CRYL1: variants seen among roughly 807,000 people sequenced by gnomAD.
The protein encoded by CRYL1 is crystallin lambda 1, also known as lambda-crystallin homolog.
Under a neutral mutation model 36.6 loss-of-function variants are expected in CRYL1, and 29 were observed. The ratio of observed to expected loss-of-function variants is 0.79; its 90% CI spans 0.59 to 1.08. The LOEUF is 1.08. Ranked by LOEUF, CRYL1 falls within the 50% of genes least tolerant of loss-of-function variation. The pLI is 0.00. For missense variants in CRYL1, 411 were observed against 407.9 expected (o/e 1.01, Z -0.06); for synonymous variants, 152 against 151.5 (o/e 1.00, Z -0.02).
intron 1 of CRYL1, among the ~76,000 whole-genome samples, chr13:20,514,434 CTACTT>C (rs1262738269): frequency 3.9e-5 from 6 of 152,346 alleles, no homozygotes; most frequent in African/African-American, 9.6e-5. Context: ...ATTCTACAAA[CTACTT>C]GACTGGTGCT....
intron 3 of CRYL1, among the ~76,000 whole-genome samples, chr13:20,460,719 G>A (rs1431011944): frequency 2.0e-5 from 3 of 152,000 alleles, no homozygotes; most frequent in Non-Finnish European, 4.4e-5. Context: ...TAGAGATGGG[G>A]TTTCACTGTG....
rs1176274350 is a variant in CRYL1, at chr13:20,425,825, G to A, written c.633+6277C>T. On this transcript the variant is annotated intron_variant, in intron 5 of 7. Transcript: ENST00000298248. The surrounding 1 kb of genome is among the most constrained non-coding windows in gnomAD (Gnocchi z 4.4). ...AACAGTTCATAATGCAGTGGATTATGCGCAAACCTGGCTGACAGCATGAGA... is the reference window on the plus strand; with the variant it reads ...AACAGTTCATAATGCAGTGGATTATACGCAAACCTGGCTGACAGCATGAGA... Among the ~76,000 whole-genome samples the A allele has an allele frequency of 1.3e-5, 2 of 152,076 alleles. No individual in the cohort carries two copies. The highest frequency in any genetic ancestry group is 2.1e-4 in the South Asian group (1 of 4,820).
Position 20,425,150 on chromosome 13 carries a change from C to G in CRYL1, c.633+6952G>C, listed in dbSNP as rs2031905025. 6.6e-6 allele frequency among the ~76,000 whole-genome samples: 1 copy of G among 152,200 alleles called. No individual in the cohort carries two copies. Among genetic ancestry groups the G allele is most frequent in the Non-Finnish European group, 1.5e-5 (1 of 68,030 alleles). On this transcript the variant is annotated intron_variant, in intron 5 of 7. Coordinates refer to ENST00000298248, the MANE Select transcript of CRYL1 (RefSeq NM_015974.3). The surrounding 1 kb of genome is among the most constrained non-coding windows in gnomAD (Gnocchi z 4.4). ...TGAAGCAAACCACAGCAATTCACTT[C>G]CAACGCCGTCCTTCCCCAGAAAAGC...
rs1463329879 is a variant in CRYL1 at position 20,512,320 on chromosome 13, C to A, written c.149+123G>T. 4.4e-6 allele frequency: 3 copies of A among 684,792 alleles called. No homozygotes were observed. In the Admixed American group the frequency reaches 7.0e-5, roughly 16 times the overall value. The allele number at this position is 684,792 out of a possible 1,614,324, so 42.4% of individuals were successfully genotyped here. A position where few individuals can be genotyped will look rare whatever the true frequency, so the allele number is the denominator to read the frequency against. On this transcript the variant is annotated intron_variant, in intron 2 of 7. Transcript: ENST00000298248. ...GGCCTTTACCAACTCAGAGGCACTG[C>A]AGTAGCCATCAGACGAAAATGTGAC...
intron 3 of CRYL1, among the ~76,000 whole-genome samples, chr13:20,460,646 C>A (rs1282373217): frequency 6.7e-6 from 1 of 150,214 alleles, no homozygotes; most frequent in African/African-American, 2.4e-5. Flanking sequence ...CTGCCTCAGC[C>A]TCCCAAGTAG....
chr13:20,422,877 A>G (rs2031851765), intron 5 of CRYL1, among the ~76,000 whole-genome samples: 2 of 152,242 alleles, frequency 1.3e-5, no homozygotes, highest in Admixed American at 1.3e-4. Context: ...CACCTTGGGC[A>G]GTATGGACAT....
intron 5 of CRYL1, chr13:20,418,481 ATCC>A (rs904091079): frequency 6.6e-6 from 1 of 152,096 alleles, no homozygotes; most frequent in Non-Finnish European, 1.5e-5. Flanking sequence ...TGATGGATAA[ATCC>A]TCCTCCGTGA....
At chr13:20,427,410 T>A in intron 5 of CRYL1, 1 of 608,136 alleles carries the variant, frequency 1.6e-6, no homozygotes, top group Non-Finnish European at 2.1e-6. Context: ...CACGAAGGTC[T>A]AAGGGCTTAC....
intron 1 of CRYL1, among the ~76,000 whole-genome samples, chr13:20,520,512 G>C (rs1244785811): frequency 6.6e-6 from 1 of 152,140 alleles, no homozygotes; most frequent in African/African-American, 2.4e-5. Context: ...CTGACCTGAG[G>C]GAGGGTAACC....
chr13:20,467,115 T>A (rs1228689363), intron 3 of CRYL1, among the ~76,000 whole-genome samples: 3 of 2,040 alleles, frequency 1.5e-3, no homozygotes, highest in South Asian at 0.083. Context: ...GCCCGGCTGA[T>A]TTTTTTTTTT....
In CRYL1 at chr13:20,489,408, T is replaced by G. The variant is rs1287599006; in HGVS notation, c.238A>C (p.Asn80His). ...GCACCCTCTACTGCTTCTTGGATAT[T>G]GGGACAACCACTGATGAGTGACAGC... ...EQLSLISGCP[N>H]IQEAVEGAMH... Residue 80 changes from asparagine (N) to histidine (H), a missense_variant, in exon 3 of 8, where the codon AAT becomes CAT. By Grantham distance (68) the Asn-to-His change is moderately conservative (BLOSUM62 1). Coordinates refer to ENST00000298248, the MANE Select transcript of CRYL1 (RefSeq NM_015974.3). 6.2e-7 allele frequency: 1 copy of G among 1,613,674 alleles called. No homozygotes were observed. Among genetic ancestry groups the G allele is most frequent in the East Asian group, 2.2e-5 (1 of 44,888 alleles).
intron 3 of CRYL1, among the ~76,000 whole-genome samples, chr13:20,473,806 T>C (rs1286875828): frequency 6.6e-6 from 1 of 152,184 alleles, no homozygotes; most frequent in Admixed American, 6.5e-5. Flanking sequence ...CATTTCTCTT[T>C]TCATCATGAT....
rs1480878398 is a variant in CRYL1, at chr13:20,447,678, C to T, written c.277-7924G>A. Among the ~76,000 whole-genome samples, 11 of 151,914 alleles carry T rather than the reference C, an allele frequency of 7.2e-5. 1 individual carries two copies. The highest frequency in any genetic ancestry group is 7.2e-4 in the Admixed American group (11 of 15,228). ...GCAAGTACTAAGGAGGAAAAAAAAC[C>T]CCACAAAACCCTCTGGCCAACCAGT... is the stretch of plus-strand genomic sequence containing the variant. On this transcript the variant is annotated intron_variant, in intron 3 of 7. Transcript: ENST00000298248.
chr13:20,483,468 C>G lies in CRYL1; in HGVS notation c.276+5902G>C, dbSNP rs146793467. ...GACCATATCATCAACATGAAGTCAG[C>G]TTTCTCACTTGGACTGTAACGTACC... is the stretch of plus-strand genomic sequence containing the variant. On this transcript the variant is annotated intron_variant, in intron 3 of 7. Transcript: ENST00000298248. Among the ~76,000 whole-genome samples the G allele has an allele frequency of 5.1e-3, 779 of 152,106 alleles. 5 individuals carry two copies. The highest frequency in any genetic ancestry group is 0.018 in the African/African-American group (733 of 41,484).
intron 3 of CRYL1, among the ~76,000 whole-genome samples, chr13:20,477,702 T>A (rs1278312961): frequency 7.0e-6 from 1 of 141,980 alleles, no homozygotes; most frequent in African/African-American, 2.5e-5. Flanking sequence ...ATATTAAAAA[T>A]ATATATAATA....
intron 1 of CRYL1, among the ~76,000 whole-genome samples, chr13:20,521,126 G>A (rs1184047290): frequency 7.9e-4 from 20 of 25,326 alleles, no homozygotes; most frequent in South Asian, 6.9e-3. Flanking sequence ...AAAAAAAAAG[G>A]AAAGAAAGAA....
intron 5 of CRYL1, among the ~76,000 whole-genome samples, chr13:20,429,969 C>G (rs2032019522): frequency 6.6e-6 from 1 of 152,158 alleles, no homozygotes; most frequent in Non-Finnish European, 1.5e-5. Flanking sequence ...CGGTGATGGT[C>G]AAGGTCAGCA....
intron 5 of CRYL1, chr13:20,418,467 T>C (rs1038807943): frequency 6.6e-6 from 1 of 152,194 alleles, no homozygotes; most frequent in East Asian, 1.9e-4. Flanking sequence ...AGGCACACGA[T>C]ATTTGATGGA....
At chr13:20,495,785 G>A (rs2033594662) in intron 2 of CRYL1, among the ~76,000 whole-genome samples, 1 of 152,194 alleles carries the variant, frequency 6.6e-6, no homozygotes, top group African/African-American at 2.4e-5. Flanking sequence ...TCACACCTAC[G>A]GTGGAATCTT....
Sources: gnomAD v4.1 joint callset for allele counts (sites outside exome capture counted in the v4.1 genomes callset) on GRCh38, gnomAD v4.1.1 for gene constraint, Gnocchi (gnomAD v3.1) non-coding constraint, MANE v1.5 for transcripts, NCBI Gene and HGNC (gene_info 2026-07-23, HGNC 2026-07-21) for gene names.